The following CMIP variants were observed in gnomAD, a reference collection of about 807,000 sequenced individuals.
CMIP encodes the protein c-Maf inducing protein, also known as C-Maf-inducing protein.
A neutral mutation model predicts 97.3 loss-of-function variants in CMIP; 13 were observed. The ratio of observed to expected loss-of-function variants is 0.13; its 90% CI spans 0.09 to 0.21. CMIP has a LOEUF of 0.21. CMIP is among the 10% of genes least tolerant of loss of function. The pLI, the probability that CMIP is intolerant of heterozygous loss-of-function variation, is 1.00. For missense variants in CMIP, 847 were observed against 1,024.9 expected, an observed-to-expected ratio of 0.83 and a Z score of 2.37; for synonymous variants, 538 against 436.3, an observed-to-expected ratio of 1.23 and a Z score of -2.91.
chr16:81,458,074 G>A (rs1027823617), intron 1 of CMIP, among the ~76,000 whole-genome samples: 5 of 152,192 alleles, frequency 3.3e-5, no homozygotes, highest in African/African-American at 4.8e-5. Flanking sequence ...AAGTTTTGGC[G>A]TAAGGAAAAA....
chr16:81,660,009 CGCTAATTT>C lies in CMIP; in HGVS notation c.682-874_682-867del, dbSNP rs147615299. The stretch of plus-strand genomic sequence containing the variant: ...TGGACATGCTTGGTAGTTTTTTATG[CGCTAATTT>C]TTCTACCATAGCTTGAGTTGGTTTT... On this transcript the variant is annotated intron_variant, in intron 5 of 20. Transcript: ENST00000537098. Among the ~76,000 whole-genome samples the C allele has an allele frequency of 8.4e-3, 1,277 of 152,228 alleles. 10 individuals are homozygous for C. The highest frequency in any genetic ancestry group is 0.014 in the Non-Finnish European group (941 of 67,998).
At chr16:81,623,918 T>A (rs963094949) in intron 3 of CMIP, among the ~76,000 whole-genome samples, 2 of 152,138 alleles carry the variant, frequency 1.3e-5, no homozygotes, top group Admixed American at 6.5e-5. Context: ...CCAGCAGATT[T>A]CAATCCAGAT....
intron 9 of CMIP, among the ~76,000 whole-genome samples, chr16:81,672,926 G>C (rs13334224): frequency 3.9e-4 from 59 of 152,126 alleles, no homozygotes; most frequent in African/African-American, 1.4e-3. Context: ...GCTGGAGAGC[G>C]AGCAAGATCA....
intron 1 of CMIP, among the ~76,000 whole-genome samples, chr16:81,570,990 A>T (rs2091077775): frequency 6.6e-6 from 1 of 152,210 alleles, no homozygotes; most frequent in African/African-American, 2.4e-5. Context: ...AGGAACTCTG[A>T]ATCAACTGTG....
At chr16:81,537,684 A>G (rs1020621209) in intron 1 of CMIP, among the ~76,000 whole-genome samples, 1 of 151,764 alleles carries the variant, frequency 6.6e-6, no homozygotes, top group African/African-American at 2.4e-5. Flanking sequence ...TGGTCCATAT[A>G]GTGAGACGCC....
At chr16:81,620,835 G>C (rs767666439) in intron 2 of CMIP, 41 bp from the exon 3 acceptor site, 1 of 1,612,790 alleles carries the variant, frequency 6.2e-7, no homozygotes, top group East Asian at 2.2e-5. Context: ...GATGCCGCAA[G>C]CTGATGACCG....
intron 14 of CMIP, among the ~76,000 whole-genome samples, chr16:81,698,545 CA>C (rs2151092075): frequency 6.6e-6 from 1 of 152,296 alleles, no homozygotes; most frequent in East Asian, 1.9e-4. Flanking sequence ...GCCAGGAATT[CA>C]AAGGATCAAC....
rs1435385962 is a variant in CMIP, at chr16:81,621,608, C to G, written c.477+682C>G. The G allele has an allele frequency of 6.5e-6, 1 of 152,854 alleles. No homozygotes were observed. Among genetic ancestry groups the G allele is most frequent in the Non-Finnish European group, 1.5e-5 (1 of 68,192 alleles). 9.5% of individuals were successfully genotyped at this position (152,854 alleles called of 1,614,324 possible). The stretch of plus-strand genomic sequence containing the variant: ...ATTCCTGCCCTGCCTCCCTGTCTCT[C>G]CTTGTCTTCTGATCTTCTGGTTTAG... On this transcript the variant is annotated intron_variant, in intron 3 of 20. Transcript: ENST00000537098. This position sits in a 1 kb window ranked among gnomAD's most constrained non-coding sequence, Gnocchi z 4.1.
intron 3 of CMIP, among the ~76,000 whole-genome samples, chr16:81,643,774 A>G (rs536057114): frequency 3.3e-5 from 5 of 151,854 alleles, no homozygotes; most frequent in African/African-American, 1.2e-4. Context: ...ACAGAGCGAG[A>G]CTCTGTCTCA....
At chr16:81,494,992 T>C (rs1212671779) in intron 1 of CMIP, among the ~76,000 whole-genome samples, 1 of 152,130 alleles carries the variant, frequency 6.6e-6, no homozygotes, top group Non-Finnish European at 1.5e-5. Flanking sequence ...ATAGAGCTAG[T>C]GTCGGAGATG....
intron 1 of CMIP, among the ~76,000 whole-genome samples, chr16:81,573,824 G>T (rs187607084): frequency 6.6e-6 from 1 of 152,192 alleles, no homozygotes; most frequent in Non-Finnish European, 1.5e-5. Flanking sequence ...TGTGCTTAAC[G>T]CATGCGTGGC....
intron 1 of CMIP, among the ~76,000 whole-genome samples, chr16:81,579,438 G>C (rs1295897718): frequency 2.0e-5 from 3 of 152,194 alleles, no homozygotes; most frequent in South Asian, 2.1e-4. Context: ...TTTCTAACTG[G>C]ACAGCAATCC....
chr16:81,560,213 GTTTTGTTTTGTTTT>G (rs1567579677), intron 1 of CMIP, among the ~76,000 whole-genome samples: 4 of 107,802 alleles, frequency 3.7e-5, no homozygotes, highest in African/African-American at 1.2e-4. Flanking sequence ...TTTTGTTTTT[GTTTTGTTTTGTTTT>G]TTTTTTTTTG....
At chr16:81,547,017 A>G (rs879595473) in intron 1 of CMIP, among the ~76,000 whole-genome samples, 3 of 152,122 alleles carry the variant, frequency 2.0e-5, no homozygotes, top group Non-Finnish European at 4.4e-5. Context: ...GCCTTGCGGT[A>G]TTAAAGACCG....
At position 81,691,971 on chromosome 16, in the gene CMIP, G is replaced by A. The variant is rs924128117; in HGVS notation, c.1454+131G>A. ...ACAGCGGGAAGACCCTGGAGACGTC[G>A]GTACCAGCTCAGCCACGTCCTCAGC... On this transcript the variant is annotated intron_variant, in intron 11 of 20. Transcript: ENST00000537098. 2.3e-4 allele frequency: 179 copies of A among 780,980 alleles called. No individual in the cohort carries two copies. In the African/African-American group the frequency reaches 2.8e-3, roughly 12 times the overall value. The allele number at this position is 780,980 out of a possible 1,614,324, so 48.4% of individuals were successfully genotyped here.
intron 1 of CMIP, chr16:81,495,234 C>G: frequency 8.4e-7 from 1 of 1,193,240 alleles, no homozygotes; most frequent in Middle Eastern, 3.1e-4. Context: ...CTCAGTGAAA[C>G]AGACACTGAT....
At chr16:81,618,991 A>C (rs2091958221) in intron 2 of CMIP, 1 of 152,256 alleles carries the variant, frequency 6.6e-6, no homozygotes, top group Non-Finnish European at 1.5e-5. Context: ...GCTCAGCAAC[A>C]GTCTCTCCAG....
intron 1 of CMIP, among the ~76,000 whole-genome samples, chr16:81,515,672 C>T (rs1216419385): frequency 1.3e-5 from 2 of 152,186 alleles, no homozygotes; most frequent in Non-Finnish European, 2.9e-5. Flanking sequence ...AGGCGCTATT[C>T]TAAGGACCGG....
chr16:81,560,258 G>C (rs1221756990), intron 1 of CMIP, among the ~76,000 whole-genome samples: 3 of 148,962 alleles, frequency 2.0e-5, no homozygotes, highest in Admixed American at 2.0e-4. Flanking sequence ...TCGCTCCGTC[G>C]CCCAGGCTGG....
Sources: allele counts gnomAD v4.1 joint callset (sites outside exome capture counted in the v4.1 genomes callset), GRCh38; gene constraint gnomAD v4.1.1; non-coding constraint Gnocchi (gnomAD v3.1); transcripts MANE v1.5; gene names NCBI Gene and HGNC (gene_info 2026-07-23, HGNC 2026-07-21).